The following PTPRO variants were observed in gnomAD, a reference collection of about 807,000 sequenced individuals.
PTPRO encodes receptor-type tyrosine-protein phosphatase O.
In PTPRO, 62 loss-of-function variants were observed where a neutral mutation model predicts 145.2. The observed-to-expected ratio is 0.43, with a 90% CI of 0.35 to 0.53. The LOEUF (loss-of-function observed/expected upper bound fraction) is 0.53. Ranked by LOEUF, PTPRO falls within the 20% of genes least tolerant of loss-of-function variation. PTPRO has a pLI of 0.01. For missense variants in PTPRO, 1,345 were observed against 1,482.7 expected (o/e 0.91, Z 1.53); for synonymous variants, 565 against 514.7 (o/e 1.10, Z -1.32).
chr12:15,507,631 C>A (rs1402881717), intron 6 of PTPRO, among the ~76,000 whole-genome samples: 1 of 152,120 alleles, frequency 6.6e-6, no homozygotes, highest in Non-Finnish European at 1.5e-5. Context: ...GTGTCACTGA[C>A]CTGCCAGGAA....
Position 15,595,065 on chromosome 12 carries a change from G to C in PTPRO, c.*16+8G>C. The C allele has an allele frequency of 6.4e-7, 1 of 1,561,532 alleles. No homozygotes were observed. Among genetic ancestry groups the C allele is most frequent in the Non-Finnish European group, 8.8e-7 (1 of 1,132,836 alleles). Reference sequence around the variant, plus strand: ...AGTTCAGAATCCGGAGCAGTAAGTGGAGAAGAGCTCTCCACGAGTGCTCAG... The same window carrying C: ...AGTTCAGAATCCGGAGCAGTAAGTGCAGAAGAGCTCTCCACGAGTGCTCAG... On this transcript the variant is annotated splice_region_variant and intron_variant, in intron 26 of 26. Coordinates refer to ENST00000281171, the MANE Select transcript of PTPRO (RefSeq NM_030667.3).
intron 1 of PTPRO, among the ~76,000 whole-genome samples, chr12:15,404,457 G>A (rs908547750): frequency 1.3e-5 from 2 of 151,922 alleles, no homozygotes; most frequent in African/African-American, 4.8e-5. Flanking sequence ...TTTTCTGTTG[G>A]GAATTTTTTT....
At chr12:15,505,018 T>A (rs1359040101) in intron 6 of PTPRO, among the ~76,000 whole-genome samples, 2 of 152,206 alleles carry the variant, frequency 1.3e-5, no homozygotes, top group Non-Finnish European at 2.9e-5. Flanking sequence ...CCCAACTGCC[T>A]TGTGTGTCTT....
intron 15 of PTPRO, among the ~76,000 whole-genome samples, chr12:15,557,046 T>TC (rs58743858): frequency 2.7e-5 from 4 of 149,736 alleles, no homozygotes; most frequent in Admixed American, 2.6e-4. Context: ...TTTTTTTTTT[T>TC]CTTTTTCTTT....
At position 15,565,596 on chromosome 12, in the gene PTPRO, TA is replaced by T; in HGVS notation, c.2720del (p.Asn907MetfsTer3). On this transcript the variant is annotated frameshift_variant, in exon 18 of 27. Transcript: ENST00000281171. LOFTEE classifies it high-confidence loss of function. ...TCTTTTCTTTTTTAATTATCAGGAGTAAAAATGGTTTAAAGAAGAGGAAACT... is the reference window on the plus strand; with the variant it reads ...TCTTTTCTTTTTTAATTATCAGGAGTAAAATGGTTTAAAGAAGAGGAAACT... ...LLAFYINPWS[K>X]NGLKKRKLTN... 6.9e-7 allele frequency: 1 copy of T among 1,454,740 alleles called. No individual in the cohort carries two copies. 90.1% of individuals were successfully genotyped at this position (1,454,740 alleles called of 1,614,324 possible).
At chr12:15,414,628 T>C (rs1287979239) in intron 1 of PTPRO, among the ~76,000 whole-genome samples, 1 of 152,204 alleles carries the variant, frequency 6.6e-6, no homozygotes, top group Non-Finnish European at 1.5e-5. Flanking sequence ...TTTCTGACAG[T>C]ATTTATTTTA....
intron 12 of PTPRO, among the ~76,000 whole-genome samples, chr12:15,544,191 T>C (rs1459609595): frequency 2.0e-5 from 3 of 152,034 alleles, no homozygotes; most frequent in Non-Finnish European, 4.4e-5. Context: ...AGACATGCAA[T>C]ATAATTTAAA....
rs538042902 is a variant in PTPRO, at chr12:15,458,635, T to C, written c.76-25339T>C. Among the ~76,000 whole-genome samples the C allele has an allele frequency of 4.2e-4, 64 of 151,762 alleles. 1 individual carries two copies. The highest frequency in any genetic ancestry group is 1.5e-3 in the African/African-American group (62 of 41,468). ...GATCTAGTCTGCTGTTGAATCCCTCTAGTGAATTTTTTTAGTTATTGTATT... is the reference window on the plus strand; with the variant it reads ...GATCTAGTCTGCTGTTGAATCCCTCCAGTGAATTTTTTTAGTTATTGTATT... On this transcript the variant is annotated intron_variant, in intron 1 of 26. Transcript: ENST00000281171.
intron 14 of PTPRO, among the ~76,000 whole-genome samples, chr12:15,551,156 G>A (rs1030001115): frequency 5.3e-5 from 8 of 152,146 alleles, no homozygotes; most frequent in African/African-American, 7.2e-5. Context: ...AATCATGGGC[G>A]TAAAATAAGA....
chr12:15,362,708 A>G (rs1289003246), intron 1 of PTPRO, among the ~76,000 whole-genome samples: 2 of 152,186 alleles, frequency 1.3e-5, no homozygotes, highest in African/African-American at 4.8e-5. Flanking sequence ...TCAAAAAAAA[A>G]GATCTAATCT....
At chr12:15,520,367 T>C (rs1942690543) in intron 10 of PTPRO, 55 bp downstream of exon 10, 2 of 1,361,384 alleles carry the variant, frequency 1.5e-6, no homozygotes, top group Non-Finnish European at 2.1e-6. Flanking sequence ...TGTGAGGAGT[T>C]ACCAAGGTTC....
chr12:15,326,757 G>A (rs1001938557), intron 1 of PTPRO, among the ~76,000 whole-genome samples: 5 of 152,142 alleles, frequency 3.3e-5, no homozygotes, highest in African/African-American at 9.7e-5. Flanking sequence ...TGGCACAATA[G>A]AAGGCTTAAC....
At chr12:15,568,255 C>A (rs1591748212) in intron 18 of PTPRO, among the ~76,000 whole-genome samples, 1 of 152,016 alleles carries the variant, frequency 6.6e-6, no homozygotes, top group East Asian at 1.9e-4. Flanking sequence ...CATGGTGAAA[C>A]CAAATCTCTA....
Position 15,501,957 on chromosome 12 carries a change from A to G in PTPRO, c.999A>G (p.Ser333=). The G allele has an allele frequency of 6.2e-7, 1 of 1,613,960 alleles. No individual in the cohort carries two copies. Among genetic ancestry groups the G allele is most frequent in the Non-Finnish European group, 8.5e-7 (1 of 1,179,844 alleles). Residue 333 remains serine (S), a synonymous_variant, in exon 5 of 27, where the codon TCA becomes TCG. Transcript: ENST00000281171. The stretch of plus-strand genomic sequence containing the variant: ...GTACACTCAGTGAGACAGAGAAGTC[A>G]ACATCAGGCTCTTTCTCCTTTTTCC... The part of the protein sequence containing the change: ...NNSTLSETEK[S]TSGSFSFFPV...
chr12:15,337,308 G>T (rs1323387543), intron 1 of PTPRO: 2 of 152,056 alleles, frequency 1.3e-5, no homozygotes, highest in African/African-American at 4.8e-5. Context: ...AACCAAGCAG[G>T]CATAATAGTG....
rs555559507 is a variant in PTPRO at position 15,565,715 on chromosome 12, A to G, written c.2747+87A>G. On this transcript the variant is annotated intron_variant, in intron 18 of 26. Transcript: ENST00000281171. ...TTAAAGATTGCTTGTCTTCAAAGAG[A>G]AGGGACGCTTAAGAAAGAGGCAAAT... 790 of 1,016,440 alleles carry G rather than the reference A, an allele frequency of 7.8e-4. 6 individuals are homozygous for G. The Middle Eastern group carries it at 0.023, about 30-fold the overall frequency. 63.0% of individuals were successfully genotyped at this position (1,016,440 alleles called of 1,614,324 possible). A position where few individuals can be genotyped will look rare whatever the true frequency, so the allele number is the denominator to read the frequency against.
chr12:15,594,755 T>C (rs1198829722), intron 25 of PTPRO, among the ~76,000 whole-genome samples, 182 bp from the exon 26 acceptor site: 1 of 152,172 alleles, frequency 6.6e-6, no homozygotes, highest in Non-Finnish European at 1.5e-5. Flanking sequence ...TAAGCTCTGT[T>C]ATTAATCAAA....
chr12:15,357,553 A>G (rs558814218), intron 1 of PTPRO, among the ~76,000 whole-genome samples: 64 of 152,020 alleles, frequency 4.2e-4, no homozygotes, highest in African/African-American at 1.5e-3. Flanking sequence ...AAAACAAACA[A>G]CCCCATCAAA....
intron 12 of PTPRO, among the ~76,000 whole-genome samples, chr12:15,544,492 G>A (rs1591709751): frequency 7.6e-6 from 1 of 131,200 alleles, no homozygotes; most frequent in Non-Finnish European, 1.6e-5. Context: ...TGGTGACAGA[G>A]CGAGACTCCA....
Sources: gnomAD v4.1 joint callset for allele counts (sites outside exome capture counted in the v4.1 genomes callset) on GRCh38, gnomAD v4.1.1 for gene constraint, MANE v1.5 for transcripts, NCBI Gene and HGNC (gene_info 2026-07-23, HGNC 2026-07-21) for gene names.